Variants in PPP6R3 observed in about 807,000 individuals in gnomAD.
PPP6R3 encodes the protein protein phosphatase 6 regulatory subunit 3, also known as serine/threonine-protein phosphatase 6 regulatory subunit 3.
A neutral mutation model predicts 110.7 loss-of-function variants in PPP6R3; 38 were observed. The observed-to-expected ratio is 0.34, with a 90% CI of 0.26 to 0.45. The LOEUF (loss-of-function observed/expected upper bound fraction) is 0.45, where lower values mean the gene tolerates loss of function less well. Ranked by LOEUF, PPP6R3 falls within the 20% of genes least tolerant of loss-of-function variation. The pLI is 1.00. For missense variants in PPP6R3, 870 were observed against 1,062.4 expected (o/e 0.82, Z 2.52); for synonymous variants, 369 against 373.5 (o/e 0.99, Z 0.14).
chr11:68,614,511 G>A lies in PPP6R3; in HGVS notation c.*1394G>A. The A allele has an allele frequency of 7.0e-7, 1 of 1,419,328 alleles. No homozygotes were observed. Among genetic ancestry groups the A allele is most frequent in the South Asian group, 1.6e-5 (1 of 62,572 alleles). The allele number at this position is 1,419,328 out of a possible 1,614,324, so 87.9% of individuals were successfully genotyped here. ...AACCAAAAGGATATTCTGAAAAATG[G>A]CCAACAATTTTTTTAGAAGTAGCAT... On this transcript the variant is annotated 3_prime_UTR_variant, in exon 24 of 24. Coordinates refer to ENST00000393800, the MANE Select transcript of PPP6R3 (RefSeq NM_001164161.2).
Position 68,614,710 on chromosome 11 carries a change from G to A in PPP6R3, c.*1593G>A. ...GACAGGTGGCAAGGGTGGGTCCCTT[G>A]ACCTTTGCACGCCTCCTCAGGAACC... On this transcript the variant is annotated 3_prime_UTR_variant, in exon 24 of 24. Coordinates refer to ENST00000393800, the MANE Select transcript of PPP6R3 (RefSeq NM_001164161.2). The A allele has an allele frequency of 2.0e-6, 3 of 1,533,854 alleles. No individual in the cohort carries two copies. Among genetic ancestry groups the A allele is most frequent in the Non-Finnish European group, 2.6e-6 (3 of 1,139,210 alleles).
intron 1 of PPP6R3, among the ~76,000 whole-genome samples, chr11:68,477,741 A>AAAATATATATATATATATAT: frequency 2.2e-4 from 13 of 57,900 alleles, no homozygotes; most frequent in African/African-American, 5.0e-4. Context: ...AAAAAAAAAA[A>AAAATATATATATATATATAT]ATATATATAT....
intron 1 of PPP6R3, among the ~76,000 whole-genome samples, chr11:68,480,293 A>G (rs1169935207): frequency 6.6e-6 from 1 of 152,160 alleles, no homozygotes; most frequent in Non-Finnish European, 1.5e-5. Flanking sequence ...TTTTGTGGCA[A>G]CCAATCTTTG....
In PPP6R3 at chr11:68,466,158, A is replaced by T. The variant is rs1356448856; in HGVS notation, c.-158+5331A>T. ...GGGTGTTTCTCCTGCTGCATTATGG[A>T]TCTAGGTTGACTGGAGATTTTGTTT... On this transcript the variant is annotated intron_variant, in intron 1 of 23. Coordinates refer to ENST00000393800, the MANE Select transcript of PPP6R3 (RefSeq NM_001164161.2). 2.6e-5 allele frequency among the ~76,000 whole-genome samples: 4 copies of T among 152,112 alleles called. No homozygotes were observed. The South Asian group carries it at 6.2e-4, about 24-fold the overall frequency.
At chr11:68,474,029 T>G (rs1219884002) in intron 1 of PPP6R3, among the ~76,000 whole-genome samples, 2 of 150,386 alleles carry the variant, frequency 1.3e-5, no homozygotes, top group African/African-American at 4.9e-5. Context: ...ATTTGCATGT[T>G]AAAAAGCAAT....
At chr11:68,471,715 T>A (rs76298957) in intron 1 of PPP6R3, among the ~76,000 whole-genome samples, 2,073 of 152,170 alleles carry the variant, frequency 0.014, 56 homozygotes, top group African/African-American at 0.047. Flanking sequence ...ATTTTTGCAG[T>A]GTTGGTGAAG....
intron 2 of PPP6R3, among the ~76,000 whole-genome samples, chr11:68,528,544 G>A (rs899290966): frequency 6.6e-6 from 1 of 151,880 alleles, no homozygotes; most frequent in Non-Finnish European, 1.5e-5. Flanking sequence ...GTTATTGAGA[G>A]CTGCTTTTAA....
intron 1 of PPP6R3, among the ~76,000 whole-genome samples, chr11:68,498,049 C>G (rs988346854): frequency 2.0e-5 from 3 of 152,102 alleles, no homozygotes; most frequent in Non-Finnish European, 4.4e-5. Flanking sequence ...TTAGACATTT[C>G]TTTTTCTATT....
chr11:68,541,300 G>A (rs925831759), intron 3 of PPP6R3, among the ~76,000 whole-genome samples: 2 of 152,198 alleles, frequency 1.3e-5, no homozygotes, highest in Non-Finnish European at 2.9e-5. Context: ...CTGTGGTTAG[G>A]GACTGTAGGA....
intron 7 of PPP6R3, among the ~76,000 whole-genome samples, chr11:68,554,538 CTG>C (rs2099392284): frequency 6.6e-6 from 1 of 152,216 alleles, no homozygotes; most frequent in African/African-American, 2.4e-5. Context: ...TTAGAAATAA[CTG>C]TAGTCACAGC....
At chr11:68,469,578 G>A (rs973732230) in intron 1 of PPP6R3, among the ~76,000 whole-genome samples, 8 of 150,358 alleles carry the variant, frequency 5.3e-5, no homozygotes, top group Non-Finnish European at 1.0e-4. Context: ...AAGATCTTCC[G>A]ATGTTGCCCA....
At chr11:68,468,797 T>A (rs2098767681) in intron 1 of PPP6R3, among the ~76,000 whole-genome samples, 1 of 152,230 alleles carries the variant, frequency 6.6e-6, no homozygotes, top group East Asian at 1.9e-4. Context: ...ATAACATAAT[T>A]TCTGCTGGTG....
At chr11:68,535,294 G>A (rs1242128432) in intron 2 of PPP6R3, 1 of 152,178 alleles carries the variant, frequency 6.6e-6, no homozygotes, top group Non-Finnish European at 1.5e-5. Flanking sequence ...AGTGCGAGGA[G>A]TTGTGCTTCT....
intron 1 of PPP6R3, among the ~76,000 whole-genome samples, chr11:68,466,196 T>C (rs2098744087): frequency 6.6e-6 from 1 of 152,228 alleles, no homozygotes; most frequent in Admixed American, 6.5e-5. Context: ...GCCTTTTGAC[T>C]TTGGCTTAGA....
intron 15 of PPP6R3, among the ~76,000 whole-genome samples, chr11:68,584,496 T>A (rs1423638829): frequency 4.6e-5 from 7 of 152,244 alleles, no homozygotes; most frequent in Admixed American, 3.9e-4. Flanking sequence ...GGTAATTTTG[T>A]ACCTGTTGAA....
rs1435558993 is a variant in PPP6R3 at position 68,573,115 on chromosome 11, TA to T, written c.1344-993del. Among the ~76,000 whole-genome samples the T allele has an allele frequency of 0.014, 83 of 5,782 alleles. 7 individuals are homozygous for T. The East Asian group carries it at 0.19, about 13-fold the overall frequency. 3.8% of individuals were successfully genotyped at this position (5,782 alleles called of 152,430 possible). ...CAGATTAATATGAGTTTACTTATTT[TA>T]TATATATATATATATATATATATAT... On this transcript the variant is annotated intron_variant, in intron 12 of 23. Coordinates refer to ENST00000393800, the MANE Select transcript of PPP6R3 (RefSeq NM_001164161.2).
chr11:68,543,972 C>T (rs2099333249), intron 3 of PPP6R3, among the ~76,000 whole-genome samples: 1 of 152,146 alleles, frequency 6.6e-6, no homozygotes, highest in Admixed American at 6.5e-5. Context: ...CCATATAGAG[C>T]AGGTGTCATG....
At chr11:68,606,436 AG>A (rs1939943588) in intron 22 of PPP6R3, among the ~76,000 whole-genome samples, 1 of 150,876 alleles carries the variant, frequency 6.6e-6, no homozygotes, top group African/African-American at 2.4e-5. Context: ...AACTGGGACT[AG>A]GACTACAGGC....
At chr11:68,561,182 C>T (rs928685575) in intron 8 of PPP6R3, among the ~76,000 whole-genome samples, 13 of 152,154 alleles carry the variant, frequency 8.5e-5, no homozygotes, top group African/African-American at 1.9e-4. Context: ...CCACCACGCC[C>T]GGCCACTTAT....
Sources: gnomAD v4.1 joint callset for allele counts (sites outside exome capture counted in the v4.1 genomes callset) on GRCh38, gnomAD v4.1.1 for gene constraint, MANE v1.5 for transcripts, NCBI Gene and HGNC (gene_info 2026-07-23, HGNC 2026-07-21) for gene names.